P2RX7: variants seen among roughly 807,000 people sequenced by gnomAD.
P2RX7 encodes purinergic receptor P2X 7, also known as P2X purinoceptor 7.
P2RX7 carries 62 observed loss-of-function variants against 71.6 expected under a neutral mutation model. The observed-to-expected ratio is 0.87, with a 90% confidence interval of 0.71 to 1.07. The LOEUF (loss-of-function observed/expected upper bound fraction) is 1.07. P2RX7 is among the 50% of genes least tolerant of loss of function. The pLI is 0.00. For synonymous variants in P2RX7, 299 were observed against 283.3 expected (o/e 1.06, Z -0.56); for missense variants, 686 against 748.5 (o/e 0.92, Z 0.97).
chr12:121,148,752 T>G (rs1876783637), intron 1 of P2RX7, among the ~76,000 whole-genome samples: 1 of 152,202 alleles, frequency 6.6e-6, no homozygotes, highest in Admixed American at 6.5e-5. Context: ...CCTCGCCCCT[T>G]GCTGAGCCCC....
At chr12:121,168,104 C>T (rs1444709197) in intron 8 of P2RX7, among the ~76,000 whole-genome samples, 1 of 151,878 alleles carries the variant, frequency 6.6e-6, no homozygotes, top group Non-Finnish European at 1.5e-5. Context: ...TTTCATACAG[C>T]TCCTATGAGA....
At chr12:121,140,584 T>C (rs535557) in intron 1 of P2RX7, among the ~76,000 whole-genome samples, 23,517 of 151,990 alleles carry the variant, frequency 0.15, 3,137 homozygotes, top group African/African-American at 0.36. Flanking sequence ...ATAGATTTGC[T>C]AGGAGGTGAA....
chr12:121,167,006 C>G (rs1298625610), intron 7 of P2RX7, among the ~76,000 whole-genome samples: 2 of 149,788 alleles, frequency 1.3e-5, no homozygotes, highest in Non-Finnish European at 1.5e-5. Context: ...GAGCCGAGAT[C>G]GCACCACTGC....
At chr12:121,133,275 C>G (rs1872811216) in intron 1 of P2RX7, among the ~76,000 whole-genome samples, 180 bp downstream of exon 1, 1 of 152,226 alleles carries the variant, frequency 6.6e-6, no homozygotes, top group East Asian at 1.9e-4. Context: ...CGGTGCCAGG[C>G]TGCAGCAGAG....
chr12:121,171,209 A>G (rs999336442), intron 8 of P2RX7, among the ~76,000 whole-genome samples: 3 of 152,054 alleles, frequency 2.0e-5, no homozygotes, highest in African/African-American at 7.2e-5. Context: ...GCAGGGCCAC[A>G]CTCGCTCTGA....
chr12:121,177,304 T>C lies in P2RX7; in HGVS notation c.1046T>C (p.Val349Ala), dbSNP rs1205617151. The C allele has an allele frequency of 1.2e-5, 19 of 1,614,118 alleles. No homozygotes were observed. Among genetic ancestry groups the C allele is most frequent in the Non-Finnish European group, 1.6e-5 (19 of 1,180,034 alleles). ...STLSYFGLAA[V>A]FIDFLIDTYS... ...TGTCTGCATTCTCCCCAGGCCGCTG[T>C]GTTCATCGACTTCCTCATCGACACT... Residue 349 changes from valine (V) to alanine (A), a missense_variant, in exon 11 of 13, where the codon GTG (valine) becomes GCG (alanine). Val to Ala is a moderately conservative substitution (Grantham distance 64). Coordinates refer to ENST00000328963, the MANE Select transcript of P2RX7 (RefSeq NM_002562.6).
intron 1 of P2RX7, among the ~76,000 whole-genome samples, chr12:121,143,081 C>CAAAAAA (rs76972263): frequency 3.2e-5 from 4 of 123,556 alleles, no homozygotes; most frequent in African/African-American, 1.2e-4. Context: ...GACTTCATCT[C>CAAAAAA]AAAAAAAAAA....
At chr12:121,152,754 G>A (rs1393017124) in intron 1 of P2RX7, among the ~76,000 whole-genome samples, 1 of 152,234 alleles carries the variant, frequency 6.6e-6, no homozygotes, top group Admixed American at 6.5e-5. Context: ...CTGACCTCAG[G>A]TGATCCATCC....
intron 1 of P2RX7, among the ~76,000 whole-genome samples, chr12:121,135,861 G>T (rs991265134): frequency 6.7e-6 from 1 of 150,008 alleles, no homozygotes; most frequent in Non-Finnish European, 1.5e-5. Context: ...AAAATTAGCC[G>T]GGCATGGTGG....
At chr12:121,133,232 G>T in intron 1 of P2RX7, 137 bp downstream of exon 1, 1 of 994,048 alleles carries the variant, frequency 1.0e-6, no homozygotes. Flanking sequence ...CCAGCTGGGC[G>T]GGAGGGAGGA....
chr12:121,148,048 A>G (rs894504877), intron 1 of P2RX7, among the ~76,000 whole-genome samples: 1 of 152,182 alleles, frequency 6.6e-6, no homozygotes, highest in African/African-American at 2.4e-5. Context: ...CATATTATTG[A>G]ACAAAAATAA....
chr12:121,133,320 C>T (rs1477596149), intron 1 of P2RX7, among the ~76,000 whole-genome samples: 1 of 152,060 alleles, frequency 6.6e-6, no homozygotes, highest in Non-Finnish European at 1.5e-5. Context: ...CCTTTCTGCT[C>T]TACTTCAGGC....
intron 12 of P2RX7, among the ~76,000 whole-genome samples, chr12:121,183,232 T>C (rs948092608): frequency 4.0e-4 from 60 of 151,568 alleles, no homozygotes; most frequent in African/African-American, 1.4e-3. Context: ...TTTCTATTTT[T>C]AACATTTTTT....
intron 1 of P2RX7, among the ~76,000 whole-genome samples, chr12:121,152,074 G>A (rs991970606): frequency 1.3e-4 from 20 of 151,992 alleles, no homozygotes; most frequent in African/African-American, 2.9e-4. Flanking sequence ...CCACCTCCCC[G>A]GTTCAAAGGA....
chr12:121,137,292 T>TA, intron 1 of P2RX7, among the ~76,000 whole-genome samples: 1 of 152,280 alleles, frequency 6.6e-6, no homozygotes. Flanking sequence ...ACATGACCCC[T>TA]AAAATAAGTC....
intron 6 of P2RX7, among the ~76,000 whole-genome samples, chr12:121,165,856 C>T (rs1880900804): frequency 6.6e-6 from 1 of 152,164 alleles, no homozygotes; most frequent in Non-Finnish European, 1.5e-5. Context: ...GGGGGAGACC[C>T]CAACACTTCT....
chr12:121,137,072 C>A (rs1873868776), intron 1 of P2RX7, among the ~76,000 whole-genome samples: 1 of 152,100 alleles, frequency 6.6e-6, no homozygotes, highest in Non-Finnish European at 1.5e-5. Flanking sequence ...GTATTTAACT[C>A]CCTCAAATTC....
At chr12:121,155,895 C>A (rs566672720) in intron 2 of P2RX7, among the ~76,000 whole-genome samples, 184 bp from the exon 3 acceptor site, 1 of 152,352 alleles carries the variant, frequency 6.6e-6, no homozygotes, top group South Asian at 2.1e-4. Flanking sequence ...CACTCTCCCT[C>A]AGCTCAGCAG....
chr12:121,137,942 C>A (rs951318416), intron 1 of P2RX7, among the ~76,000 whole-genome samples: 1 of 152,152 alleles, frequency 6.6e-6, no homozygotes, highest in Admixed American at 6.5e-5. Flanking sequence ...CTGGTTATGG[C>A]GGAAATTAAC....
Sources: allele counts gnomAD v4.1 joint callset (sites outside exome capture counted in the v4.1 genomes callset), GRCh38; gene constraint gnomAD v4.1.1; transcripts MANE v1.5; gene names NCBI Gene and HGNC (gene_info 2026-07-23, HGNC 2026-07-21).